Variants in OSBPL2 observed in about 807,000 individuals in gnomAD.
OSBPL2 encodes oxysterol binding protein like 2, also known as oxysterol-binding protein-related protein 2.
OSBPL2 carries 18 observed loss-of-function variants against 58.4 expected under a neutral mutation model. The observed-to-expected ratio is 0.31, with a 90% CI of 0.21 to 0.46. The LOEUF (loss-of-function observed/expected upper bound fraction) is 0.46, where lower values mean the gene tolerates loss of function less well. Among genes scored for constraint, OSBPL2 ranks in the 20% least tolerant of loss-of-function variants. The pLI is 1.00. For missense variants in OSBPL2, 461 were observed against 616.5 expected (o/e 0.75, Z 2.67); for synonymous variants, 221 against 234.1 (o/e 0.94, Z 0.51).
At chr20:62,290,525 T>C (rs1251823774) in intron 12 of OSBPL2, among the ~76,000 whole-genome samples, 1 of 147,034 alleles carries the variant, frequency 6.8e-6, no homozygotes, top group Non-Finnish European at 1.5e-5. Context: ...CAGGCCATTC[T>C]CCTGCCTCAG....
intron 7 of OSBPL2, chr20:62,280,123 G>C (rs186164894): frequency 7.7e-7 from 1 of 1,303,190 alleles, no homozygotes; most frequent in Non-Finnish European, 1.0e-6. Flanking sequence ...GTTCTGAGAC[G>C]TGAGTCTTGC....
At chr20:62,277,614 T>C (rs1371400612) in intron 6 of OSBPL2, among the ~76,000 whole-genome samples, 2 of 152,264 alleles carry the variant, frequency 1.3e-5, no homozygotes, top group East Asian at 1.9e-4. Context: ...TCCCTTGTTA[T>C]AGCTAAAAAT....
intron 12 of OSBPL2, among the ~76,000 whole-genome samples, chr20:62,289,774 G>A (rs539428372): frequency 1.3e-5 from 2 of 151,962 alleles, no homozygotes; most frequent in East Asian, 3.9e-4. Flanking sequence ...TCATGGTGGC[G>A]CCCGACTGTA....
At position 62,291,736 on chromosome 20, in the gene OSBPL2, A is replaced by G. The variant is rs750336253; in HGVS notation, c.1283A>G (p.Glu428Gly). 3.1e-5 allele frequency: 50 copies of G among 1,613,228 alleles called. No individual in the cohort carries two copies. In the Admixed American group the frequency reaches 8.3e-4, roughly 27 times the overall value. ...AGCCAGGAGAAGGAGCGGCTGGAGG[A>G]GAAGCAGAGAGAAGCACGGAGGGAG... is the stretch of plus-strand genomic sequence containing the variant. ...LASQEKERLE[E>G]KQREARRERA... Residue 428 changes from glutamate (E) to glycine (G), a missense_variant, in exon 13 of 14, where the codon GAG (glutamate) becomes GGG (glycine). Physicochemically the swap from Glu to Gly is moderately conservative, Grantham distance 98. This residue lies in a region of OSBPL2 where 319 missense variants were observed against 419.2 expected (regional missense o/e 0.76). Coordinates refer to ENST00000313733, the MANE Select transcript of OSBPL2 (RefSeq NM_144498.4).
chr20:62,258,481 G>A (rs973061562), intron 2 of OSBPL2, among the ~76,000 whole-genome samples: 1 of 152,204 alleles, frequency 6.6e-6, no homozygotes, highest in Non-Finnish European at 1.5e-5. Flanking sequence ...TGGGATTAAG[G>A]GCTATGAACG....
intron 1 of OSBPL2, among the ~76,000 whole-genome samples, chr20:62,252,495 G>T (rs1403178335): frequency 6.6e-6 from 1 of 152,122 alleles, no homozygotes. Flanking sequence ...TTCTCCTCCC[G>T]GGCGCCTCCT....
chr20:62,250,262 A>G (rs1980435417), intron 1 of OSBPL2, among the ~76,000 whole-genome samples: 1 of 152,060 alleles, frequency 6.6e-6, no homozygotes, highest in Non-Finnish European at 1.5e-5. Context: ...AGGCCTCTTC[A>G]TTTTTCTGGG....
At chr20:62,249,952 C>T (rs1980411216) in intron 1 of OSBPL2, among the ~76,000 whole-genome samples, 2 of 152,212 alleles carry the variant, frequency 1.3e-5, no homozygotes, top group African/African-American at 4.8e-5. Flanking sequence ...GGCAGGCGCT[C>T]CTCGACCCCA....
intron 2 of OSBPL2, 62 bp downstream of exon 2, chr20:62,256,283 G>A: frequency 2.0e-6 from 3 of 1,490,250 alleles, no homozygotes; most frequent in Non-Finnish European, 2.8e-6. Flanking sequence ...GGATTCAGAT[G>A]TTGGACCTGG....
At chr20:62,268,237 G>C (rs1377807840) in intron 4 of OSBPL2, among the ~76,000 whole-genome samples, 1 of 152,044 alleles carries the variant, frequency 6.6e-6, no homozygotes, top group Admixed American at 6.6e-5. Flanking sequence ...CTTCTTCGCT[G>C]GGTGATTGTG....
chr20:62,281,273 A>G (rs930329642), intron 8 of OSBPL2, 108 bp downstream of exon 8: 16 of 753,424 alleles, frequency 2.1e-5, no homozygotes, highest in Middle Eastern at 3.8e-4. Context: ...CAGCCTCACG[A>G]GCTGCTGCCG....
chr20:62,260,967 G>A (rs1243648749), intron 3 of OSBPL2, among the ~76,000 whole-genome samples: 1 of 151,882 alleles, frequency 6.6e-6, no homozygotes, highest in African/African-American at 2.4e-5. Context: ...TCTAGTATGG[G>A]CAACAGAGCA....
Position 62,265,582 on chromosome 20 carries a change from G to A in OSBPL2, c.258+1891G>A, listed in dbSNP as rs547912138. ...CATTGCTGCTGAGGTATCATTGCCT[G>A]CAGGCCCTCTCAGCAGACAGCACTG... On this transcript the variant is annotated intron_variant, in intron 4 of 13. Transcript: ENST00000313733. Among the ~76,000 whole-genome samples the A allele has an allele frequency of 3.9e-5, 6 of 152,312 alleles. No homozygotes were observed. The East Asian group carries it at 1.2e-3, about 29-fold the overall frequency.
intron 4 of OSBPL2, among the ~76,000 whole-genome samples, chr20:62,266,475 A>G (rs1981665947): frequency 6.6e-6 from 1 of 152,044 alleles, no homozygotes; most frequent in Admixed American, 6.5e-5. Flanking sequence ...CTGGATCTGC[A>G]GTGATTGGCT....
chr20:62,251,467 A>C (rs73613558), intron 1 of OSBPL2, among the ~76,000 whole-genome samples: 2 of 138,812 alleles, frequency 1.4e-5, no homozygotes, highest in Non-Finnish European at 3.1e-5. Context: ...GGAGTGCAGT[A>C]GTGCAATCTC....
At chr20:62,289,387 G>T in intron 12 of OSBPL2, 57 bp downstream of exon 12, 1 of 1,581,758 alleles carries the variant, frequency 6.3e-7, no homozygotes. Context: ...TGGCTAGGGT[G>T]GGAGAGCACA....
At chr20:62,291,584 G>C (rs577873060) in intron 12 of OSBPL2, 119 bp from the exon 13 acceptor site, 1 of 859,820 alleles carries the variant, frequency 1.2e-6, no homozygotes, top group Admixed American at 1.9e-5. Context: ...CACAGAACCT[G>C]TTGTCTGTGG....
chr20:62,286,529 T>C (rs1044884182), intron 10 of OSBPL2, 54 bp from the exon 11 acceptor site: 2 of 1,570,958 alleles, frequency 1.3e-6, no homozygotes, highest in Non-Finnish European at 8.7e-7. Context: ...GCTGTCCTCC[T>C]GGCCAAGAGC....
intron 1 of OSBPL2, among the ~76,000 whole-genome samples, chr20:62,251,087 A>T (rs1226464903): frequency 8.4e-6 from 1 of 118,908 alleles, no homozygotes; most frequent in Non-Finnish European, 1.6e-5. Flanking sequence ...TCTGTTGCCC[A>T]GGCTGGAGTG....
Sources: gnomAD v4.1 joint callset for allele counts (sites outside exome capture counted in the v4.1 genomes callset) on GRCh38, gnomAD v4.1.1 for gene constraint, gnomAD v4.1.1 regional missense constraint, MANE v1.5 for transcripts, NCBI Gene and HGNC (gene_info 2026-07-23, HGNC 2026-07-21) for gene names.